The following TUBGCP3 variants were observed in gnomAD, a reference collection of about 807,000 sequenced individuals.
TUBGCP3 encodes tubulin gamma complex component 3.
In TUBGCP3, 50 loss-of-function variants were observed where a neutral mutation model predicts 123.1. The observed-to-expected ratio is 0.41, with a 90% CI of 0.32 to 0.51. The LOEUF (loss-of-function observed/expected upper bound fraction) is 0.51, where lower values mean the gene tolerates loss of function less well. Among genes scored for constraint, TUBGCP3 ranks in the 20% least tolerant of loss-of-function variants. The pLI is 0.36. For synonymous variants in TUBGCP3, 405 were observed against 413.9 expected, an observed-to-expected ratio of 0.98 and a Z score of 0.26; for missense variants, 882 against 1,127.0, an observed-to-expected ratio of 0.78 and a Z score of 3.11.
intron 1 of TUBGCP3, among the ~76,000 whole-genome samples, chr13:112,572,964 C>T (rs948471656): frequency 1.1e-4 from 17 of 151,956 alleles, no homozygotes; most frequent in African/African-American, 3.9e-4. Flanking sequence ...CTGTCCTCCA[C>T]AAGGAAGCTC....
At position 112,519,269 on chromosome 13, in the gene TUBGCP3, T is replaced by A. The variant is rs951814641; in HGVS notation, c.1882-226A>T. 1.3e-5 allele frequency among the ~76,000 whole-genome samples: 2 copies of A among 152,246 alleles called. No homozygotes were observed. Among genetic ancestry groups the A allele is most frequent in the African/African-American group, 4.8e-5 (2 of 41,464 alleles). On this transcript the variant is annotated intron_variant, in intron 15 of 21. Coordinates refer to ENST00000261965, the MANE Select transcript of TUBGCP3 (RefSeq NM_006322.6). The surrounding 1 kb of genome is among the most constrained non-coding windows in gnomAD (Gnocchi z 6.2). Reference sequence around the variant, plus strand: ...AATGCATGGTGTATTTCTGAATGAATATTGTGACTATGCGTTTAAAATTCA... The same window carrying A: ...AATGCATGGTGTATTTCTGAATGAAAATTGTGACTATGCGTTTAAAATTCA...
chr13:112,601,686 G>A, the TUBGCP3 span, among the ~76,000 whole-genome samples: 1 of 152,314 alleles, frequency 6.6e-6, no homozygotes, highest in South Asian at 2.1e-4. Flanking sequence ...AGCCATGTGA[G>A]GTGAGCTCCG....
intron 1 of TUBGCP3, chr13:112,584,031 T>C (rs1882440982): frequency 6.6e-6 from 1 of 152,202 alleles, no homozygotes; most frequent in South Asian, 2.1e-4. Flanking sequence ...AGGCATGAAG[T>C]TAGATACCAT....
chr13:112,490,028 GT>G (rs1326331151), intron 20 of TUBGCP3, among the ~76,000 whole-genome samples: 1 of 152,028 alleles, frequency 6.6e-6, no homozygotes, highest in Non-Finnish European at 1.5e-5. Context: ...TGCTGTACAC[GT>G]TTTTATATAA....
At chr13:112,513,390 T>G (rs1366685417) in intron 17 of TUBGCP3, among the ~76,000 whole-genome samples, 1 of 152,252 alleles carries the variant, frequency 6.6e-6, no homozygotes, top group East Asian at 1.9e-4. Context: ...GGGTGGGATC[T>G]GCTTGGTAGA....
chr13:112,590,297 A>G (rs372679090), upstream of TUBGCP3, among the ~76,000 whole-genome samples: 1 of 152,128 alleles, frequency 6.6e-6, no homozygotes, highest in South Asian at 2.1e-4. Context: ...CTTAACGTGC[A>G]TACACGATGT....
At chr13:112,487,558 G>T (rs1879763694) in intron 21 of TUBGCP3, among the ~76,000 whole-genome samples, 1 of 152,154 alleles carries the variant, frequency 6.6e-6, no homozygotes, top group African/African-American at 2.4e-5. Flanking sequence ...CTATACAAAG[G>T]ATTTGTAAGT....
intron 5 of TUBGCP3, 21 bp downstream of exon 5, chr13:112,558,175 T>C (rs938806150): frequency 3.1e-6 from 5 of 1,601,270 alleles, no homozygotes; most frequent in African/African-American, 1.3e-5. Context: ...AGAGAATCTA[T>C]ACACGTCAGT....
At chr13:112,581,625 C>A (rs1318965382) in intron 1 of TUBGCP3, among the ~76,000 whole-genome samples, 1 of 151,950 alleles carries the variant, frequency 6.6e-6, no homozygotes, top group Admixed American at 6.6e-5. Context: ...TTTATATTTT[C>A]TGTACAGACA....
Position 112,508,909 on chromosome 13 carries a change from C to T in TUBGCP3, c.2087-4195G>A, listed in dbSNP as rs115613337. On this transcript the variant is annotated intron_variant, in intron 17 of 21. Transcript: ENST00000261965. This position sits in a 1 kb window ranked among gnomAD's most constrained non-coding sequence, Gnocchi z 4.2. ...AAATCCATTCCCTTCCCTCCAGCCC[C>T]GCGGCTGCTGTAACCATAAAGGCCA... 6.5e-3 allele frequency among the ~76,000 whole-genome samples: 986 copies of T among 152,280 alleles called. 9 individuals are homozygous for T. The highest frequency in any genetic ancestry group is 0.023 in the African/African-American group (938 of 41,542).
chr13:112,548,049 G>T, intron 9 of TUBGCP3, 59 bp downstream of exon 9: 1 of 1,305,596 alleles, frequency 7.7e-7, no homozygotes, highest in South Asian at 1.5e-5. Flanking sequence ...ATTCTATATA[G>T]CTTCAATTTT....
intron 1 of TUBGCP3, among the ~76,000 whole-genome samples, chr13:112,579,303 G>GAGCT (rs1475742557): frequency 6.6e-6 from 1 of 151,800 alleles, no homozygotes; most frequent in East Asian, 1.9e-4. Flanking sequence ...GGCATCCCTG[G>GAGCT]AGCTCTCCCA....
chr13:112,599,639 T>A, the TUBGCP3 span, among the ~76,000 whole-genome samples: 4 of 152,038 alleles, frequency 2.6e-5, no homozygotes, highest in Admixed American at 2.0e-4. Flanking sequence ...CCTGAGTACC[T>A]GGGACTACAG....
At chr13:112,555,183 G>T (rs1240894196) in intron 6 of TUBGCP3, among the ~76,000 whole-genome samples, 178 bp from the exon 7 acceptor site, 1 of 152,228 alleles carries the variant, frequency 6.6e-6, no homozygotes, top group Non-Finnish European at 1.5e-5. Flanking sequence ...GCGAGTCTCA[G>T]TCTAGAGGTT....
intron 1 of TUBGCP3, among the ~76,000 whole-genome samples, chr13:112,585,068 T>C (rs1165048563): frequency 2.0e-5 from 3 of 152,220 alleles, no homozygotes; most frequent in African/African-American, 7.2e-5. Context: ...TTTTAAAAGA[T>C]ACCTTATAAA....
rs190590604 is a variant in TUBGCP3 at position 112,562,563 on chromosome 13, C to T, written c.252+2548G>A. Among the ~76,000 whole-genome samples the T allele has an allele frequency of 3.5e-3, 531 of 152,248 alleles. 1 individual carries two copies. The highest frequency in any genetic ancestry group is 0.01 in the Middle Eastern group (3 of 294). On this transcript the variant is annotated intron_variant, in intron 3 of 21. Transcript: ENST00000261965. ...TAAGCCAGCTCCAGCTGAAGCCAACCGGGAGACACACAGCGAGAGGCCAGG... is the reference window on the plus strand; with the variant it reads ...TAAGCCAGCTCCAGCTGAAGCCAACTGGGAGACACACAGCGAGAGGCCAGG...
At chr13:112,514,563 C>G (rs1307418968) in intron 17 of TUBGCP3, among the ~76,000 whole-genome samples, 4 of 152,170 alleles carry the variant, frequency 2.6e-5, no homozygotes, top group African/African-American at 9.7e-5. Context: ...AAATGAACTT[C>G]CATTTTCACC....
At chr13:112,522,124 T>C (rs1876676487) in intron 14 of TUBGCP3, among the ~76,000 whole-genome samples, 196 bp downstream of exon 14, 1 of 152,212 alleles carries the variant, frequency 6.6e-6, no homozygotes, top group Non-Finnish European at 1.5e-5. Context: ...ATGACAATGA[T>C]GCTCTGCTGA....
chr13:112,507,627 C>G (rs1280055689), intron 17 of TUBGCP3, among the ~76,000 whole-genome samples: 3 of 152,234 alleles, frequency 2.0e-5, no homozygotes, highest in African/African-American at 7.2e-5. Context: ...CCCATGAAAG[C>G]TCAGGTCTGT....
Sources: gnomAD v4.1 joint callset for allele counts (sites outside exome capture counted in the v4.1 genomes callset) on GRCh38, gnomAD v4.1.1 for gene constraint, Gnocchi (gnomAD v3.1) non-coding constraint, MANE v1.5 for transcripts, NCBI Gene and HGNC (gene_info 2026-07-23, HGNC 2026-07-21) for gene names.